EGFR: variants seen among roughly 807,000 people sequenced by gnomAD.
EGFR encodes avian erythroblastic leukemia viral (v-erb-b) oncogene homolog.
In EGFR, 58 loss-of-function variants were observed where a neutral mutation model predicts 143.0. The observed-to-expected ratio is 0.41, with a 90% confidence interval of 0.33 to 0.50. The LOEUF (loss-of-function observed/expected upper bound fraction) is 0.50, where lower values mean the gene tolerates loss of function less well. Ranked by LOEUF, EGFR falls within the 20% of genes least tolerant of loss-of-function variation. EGFR has a pLI of 0.39. For synonymous variants in EGFR, 613 were observed against 594.4 expected, an observed-to-expected ratio of 1.03 and a Z score of -0.45; for missense variants, 1,307 against 1,579.0, an observed-to-expected ratio of 0.83 and a Z score of 2.92.
intron 1 of EGFR, among the ~76,000 whole-genome samples, chr7:55,099,929 C>T (rs1319284199): frequency 6.6e-6 from 1 of 152,072 alleles, no homozygotes; most frequent in Non-Finnish European, 1.5e-5. Flanking sequence ...GAGACAGAAC[C>T]GATGCATCAA....
intron 12 of EGFR, among the ~76,000 whole-genome samples, chr7:55,160,885 G>T (rs1785663413): frequency 6.6e-6 from 1 of 152,242 alleles, no homozygotes; most frequent in South Asian, 2.1e-4. Context: ...CTCATCCATA[G>T]AATGGAGATA....
At chr7:55,187,882 C>T (rs919207442) in intron 20 of EGFR, among the ~76,000 whole-genome samples, 5 of 152,124 alleles carry the variant, frequency 3.3e-5, no homozygotes, top group African/African-American at 1.2e-4. Flanking sequence ...ATCATTTGTA[C>T]AGGGGGATCC....
intron 1 of EGFR, among the ~76,000 whole-genome samples, chr7:55,051,519 G>A (rs1465511409): frequency 1.3e-5 from 2 of 152,062 alleles, no homozygotes; most frequent in Non-Finnish European, 2.9e-5. Flanking sequence ...GACACAGCAA[G>A]AAGACCCTCC....
intron 4 of EGFR, 36 bp downstream of exon 4, chr7:55,146,776 T>A (rs2128929748): frequency 6.2e-6 from 10 of 1,613,770 alleles, no homozygotes; most frequent in Non-Finnish European, 8.5e-6. Flanking sequence ...TGCCTCCAGC[T>A]CCTATGGGGG....
At chr7:55,042,092 A>G (rs1787930353) in intron 1 of EGFR, among the ~76,000 whole-genome samples, 1 of 152,240 alleles carries the variant, frequency 6.6e-6, no homozygotes, top group African/African-American at 2.4e-5. Context: ...CCCCTTAGTA[A>G]TTAAAAGAAA....
chr7:55,159,384 C>CG (rs912297338), intron 11 of EGFR, among the ~76,000 whole-genome samples: 12 of 152,250 alleles, frequency 7.9e-5, no homozygotes, highest in Admixed American at 6.5e-4. Context: ...GGACATCCCC[C>CG]CTTCGGTCTG....
At chr7:55,035,875 C>A (rs749401920) in intron 1 of EGFR, among the ~76,000 whole-genome samples, 1 of 152,088 alleles carries the variant, frequency 6.6e-6, no homozygotes, top group East Asian at 1.9e-4. Flanking sequence ...CTTCCCCCAA[C>A]CTCCTCCAGT....
chr7:55,028,616 C>G (rs1161268163), intron 1 of EGFR, among the ~76,000 whole-genome samples: 1 of 152,210 alleles, frequency 6.6e-6, no homozygotes, highest in Non-Finnish European at 1.5e-5. Flanking sequence ...CTAGTTCATT[C>G]TCATACACTG....
intron 27 of EGFR, 54 bp downstream of exon 27, chr7:55,202,679 G>T (rs767323943): frequency 1.3e-6 from 2 of 1,515,456 alleles, no homozygotes; most frequent in Non-Finnish European, 1.8e-6. Flanking sequence ...GACCCACTCA[G>T]CAGCAGCCAG....
chr7:55,115,901 C>T (rs545319160), intron 1 of EGFR, among the ~76,000 whole-genome samples: 4 of 152,246 alleles, frequency 2.6e-5, no homozygotes, highest in South Asian at 4.2e-4. Context: ...TTTAAGCGAC[C>T]GCAGATTATG....
intron 13 of EGFR, among the ~76,000 whole-genome samples, chr7:55,162,757 T>A (rs1298440388): frequency 6.6e-6 from 1 of 152,192 alleles, no homozygotes; most frequent in Non-Finnish European, 1.5e-5. Context: ...TGTTTAATGG[T>A]GCCATTGACC....
rs2128972444 is a variant in EGFR at position 55,201,716 on chromosome 7, TTC to T, written c.3115-15_3115-14del. The T allele has an allele frequency of 1.2e-6, 2 of 1,614,202 alleles. No individual in the cohort carries two copies. Among genetic ancestry groups the T allele is most frequent in the Non-Finnish European group, 1.7e-6 (2 of 1,180,016 alleles). On this transcript the variant is annotated splice_polypyrimidine_tract_variant and intron_variant, in intron 25 of 27. Coordinates refer to ENST00000275493, the MANE Select transcript of EGFR (RefSeq NM_005228.5). Reference sequence around the variant, plus strand: ...GTGGTACAAGCATTCCATGGGCAACTTCTCTGTTTCTTTTTCAGAGTGCAACC... The same window carrying T: ...GTGGTACAAGCATTCCATGGGCAACTTCTGTTTCTTTTTCAGAGTGCAACC...
intron 12 of EGFR, 152 bp downstream of exon 12, chr7:55,160,490 A>G (rs1262911353): frequency 1.7e-5 from 15 of 891,362 alleles, no homozygotes; most frequent in Admixed American, 2.7e-5. Flanking sequence ...CTGTGAAATT[A>G]CCATGTGAAT....
chr7:55,151,013 A>T (rs1313562581), intron 4 of EGFR, among the ~76,000 whole-genome samples: 1 of 152,170 alleles, frequency 6.6e-6, no homozygotes, highest in African/African-American at 2.4e-5. Context: ...TAAACAAGGA[A>T]CCTCAAATTC....
At chr7:55,157,257 T>A (rs2128939178) in intron 10 of EGFR, among the ~76,000 whole-genome samples, 1 of 152,358 alleles carries the variant, frequency 6.6e-6, no homozygotes. Flanking sequence ...ATGGGAAGAT[T>A]AGACCAAAAT....
chr7:55,050,423 A>G (rs954224260), intron 1 of EGFR, among the ~76,000 whole-genome samples: 1 of 152,210 alleles, frequency 6.6e-6, no homozygotes, highest in Admixed American at 6.5e-5. Context: ...ATGGCAGAAC[A>G]TCTGTCCATT....
At chr7:55,162,283 A>G (rs547118792) in intron 13 of EGFR, among the ~76,000 whole-genome samples, 23 of 152,376 alleles carry the variant, frequency 1.5e-4, no homozygotes, top group African/African-American at 4.8e-4. Flanking sequence ...GGCCAAGGCC[A>G]TGTTTTAGAA....
chr7:55,192,423 AC>A (rs1787438293), intron 21 of EGFR, among the ~76,000 whole-genome samples: 1 of 151,834 alleles, frequency 6.6e-6, no homozygotes, highest in Admixed American at 6.6e-5. Context: ...CTGAGGTTTC[AC>A]TCTGGCCTGC....
At chr7:55,100,135 G>C (rs910160062) in intron 1 of EGFR, among the ~76,000 whole-genome samples, 2 of 152,218 alleles carry the variant, frequency 1.3e-5, no homozygotes. Context: ...GACTGTGGTG[G>C]CTTTGCCTTT....
Sources: allele counts gnomAD v4.1 joint callset (sites outside exome capture counted in the v4.1 genomes callset), GRCh38; gene constraint gnomAD v4.1.1; transcripts MANE v1.5; gene names NCBI Gene and HGNC (gene_info 2026-07-23, HGNC 2026-07-21).